ITGA2: variants seen among roughly 807,000 people sequenced by gnomAD.
ITGA2 encodes integrin alpha-2.
In ITGA2, 101 loss-of-function variants were observed where a neutral mutation model predicts 146.3. The ratio of observed to expected loss-of-function variants is 0.69; its 90% CI spans 0.59 to 0.81. The LOEUF (loss-of-function observed/expected upper bound fraction) is 0.81. Ranked by LOEUF, ITGA2 falls within the 40% of genes least tolerant of loss-of-function variation. The probability of loss-of-function intolerance (pLI) is 0.00; values close to 1 mark genes in which losing one functional copy is unlikely to be tolerated. For missense variants in ITGA2, 1,281 were observed against 1,402.7 expected, an observed-to-expected ratio of 0.91 and a Z score of 1.39; for synonymous variants, 477 against 487.1, an observed-to-expected ratio of 0.98 and a Z score of 0.27.
chr5:52,989,816 A>ACACC (rs1177461521), intron 1 of ITGA2, among the ~76,000 whole-genome samples: 1 of 140,622 alleles, frequency 7.1e-6, no homozygotes, highest in East Asian at 2.2e-4. Flanking sequence ...ACACACACGC[A>ACACC]CACACACACA....
At position 53,048,919 on chromosome 5, in the gene ITGA2, C is replaced by T. The variant is rs929383359; in HGVS notation, c.630+149C>T. The stretch of plus-strand genomic sequence containing the variant: ...TTAAAGTTAATTGAAACTTTTACTA[C>T]ATTGGGTTATTCTACCTATGGCTTT... On this transcript the variant is annotated intron_variant, in intron 6 of 29. Coordinates refer to ENST00000296585, the MANE Select transcript of ITGA2 (RefSeq NM_002203.4). The T allele has an allele frequency of 4.7e-5, 41 of 867,100 alleles. No individual in the cohort carries two copies. In the African/African-American group the frequency reaches 6.1e-4, roughly 13 times the overall value. 53.7% of individuals were successfully genotyped at this position (867,100 alleles called of 1,614,324 possible). A position where few individuals can be genotyped will look rare whatever the true frequency, so the allele number is the denominator to read the frequency against.
chr5:53,038,731 C>G (rs1442866087), intron 2 of ITGA2, among the ~76,000 whole-genome samples: 2 of 152,144 alleles, frequency 1.3e-5, no homozygotes, highest in African/African-American at 4.8e-5. Flanking sequence ...GGAACATGAG[C>G]AAGTCACTCA....
In ITGA2 at chr5:53,026,366, C is replaced by T. The variant is rs3212420; in HGVS notation, c.65-382C>T. Among the ~76,000 whole-genome samples the T allele has an allele frequency of 8.8e-3, 1,341 of 152,240 alleles. 23 individuals carry two copies. The highest frequency in any genetic ancestry group is 0.031 in the African/African-American group (1,279 of 41,556). On this transcript the variant is annotated intron_variant, in intron 1 of 29. Transcript: ENST00000296585. The stretch of plus-strand genomic sequence containing the variant: ...GGAAGGACAAATATAACTCAAATTA[C>T]TTAAGAATACTTAGAGATAATTTAG...
chr5:53,088,685 C>CAAAA (rs5867861), intron 28 of ITGA2, among the ~76,000 whole-genome samples: 6 of 105,876 alleles, frequency 5.7e-5, no homozygotes, highest in African/African-American at 1.2e-4. Flanking sequence ...GACTCTGTCT[C>CAAAA]AAAAAAAAAA....
chr5:53,042,359 C>A (rs1743844112), intron 3 of ITGA2, 138 bp downstream of exon 3: 1 of 658,992 alleles, frequency 1.5e-6, no homozygotes, highest in Non-Finnish European at 2.8e-6. Flanking sequence ...ATATGGGGCA[C>A]AATCATATCC....
chr5:53,057,384 G>A (rs3212528), intron 9 of ITGA2, among the ~76,000 whole-genome samples: 15,776 of 151,924 alleles, frequency 0.1, 956 homozygotes, highest in African/African-American at 0.16. Context: ...TTAGTGAAAC[G>A]TAGCCATTTT....
rs886060660 is a variant in ITGA2 at position 53,067,243 on chromosome 5, A to C, written c.2069A>C (p.Gln690Pro). 6.2e-7 allele frequency: 1 copy of C among 1,611,616 alleles called. No homozygotes were observed. Among genetic ancestry groups the C allele is most frequent in the Non-Finnish European group, 8.5e-7 (1 of 1,178,630 alleles). Residue 690 changes from glutamine (Q) to proline (P), a missense_variant, in exon 16 of 30, where the codon CAA (glutamine) becomes CCA (proline). By Grantham distance (76) the Gln-to-Pro change is moderately conservative. Transcript: ENST00000296585. ...CFSAKFRPTK[Q>P]NNQVAIVYNI... ...AGTGCAAAGTTCAGACCTACTAAGC[A>C]AAACAATCAAGTGGGTGCGTAGATC... is the stretch of plus-strand genomic sequence containing the variant.
rs568970840 is a variant in ITGA2 at position 53,038,090 on chromosome 5, G to A, written c.186-4022G>A. 3.1e-4 allele frequency among the ~76,000 whole-genome samples: 47 copies of A among 152,168 alleles called. No individual in the cohort carries two copies. In the South Asian group the frequency reaches 9.8e-3, roughly 32 times the overall value. ...ATCAAATCCTGAATTCTTAGAAAAG[G>A]TGGTAGGAGGTGACAGGGAGAGTGT... On this transcript the variant is annotated intron_variant, in intron 2 of 29. Transcript: ENST00000296585.
intron 2 of ITGA2, among the ~76,000 whole-genome samples, chr5:53,029,253 C>G (rs565651681): frequency 6.6e-6 from 1 of 152,268 alleles, no homozygotes; most frequent in Non-Finnish European, 1.5e-5. Context: ...GCTTGGGTGA[C>G]AGAGTGAGAC....
intron 1 of ITGA2, among the ~76,000 whole-genome samples, chr5:52,989,814 G>GCACACACACACACA (rs35389760): frequency 7.5e-4 from 109 of 145,972 alleles, no homozygotes; most frequent in Non-Finnish European, 1.2e-3. Flanking sequence ...GTACACACAC[G>GCACACACACACACA]CACACACACA....
chr5:53,016,550 A>T (rs878915012), intron 1 of ITGA2, among the ~76,000 whole-genome samples: 1 of 152,074 alleles, frequency 6.6e-6, no homozygotes, highest in Non-Finnish European at 1.5e-5. Context: ...GGAGAATCCG[A>T]TGACTATGTG....
At chr5:53,052,305 C>G (rs1579856544) in intron 7 of ITGA2, among the ~76,000 whole-genome samples, 2 of 152,032 alleles carry the variant, frequency 1.3e-5, no homozygotes, top group African/African-American at 4.8e-5. Context: ...GTTCAATGTG[C>G]TCTCATTGTT....
chr5:53,044,504 T>G (rs3212458), intron 3 of ITGA2, among the ~76,000 whole-genome samples: 41,628 of 151,364 alleles, frequency 0.28, 5,791 homozygotes, highest in Admixed American at 0.32. Context: ...AGACAGGAGG[T>G]GGAGAGATTT....
intron 2 of ITGA2, among the ~76,000 whole-genome samples, chr5:53,033,912 C>T (rs1365690733): frequency 6.6e-6 from 1 of 151,962 alleles, no homozygotes; most frequent in Non-Finnish European, 1.5e-5. Context: ...TACAAGCGCC[C>T]ACCACCATGC....
At chr5:53,052,633 C>G (rs968268413) in intron 7 of ITGA2, among the ~76,000 whole-genome samples, 2 of 151,976 alleles carry the variant, frequency 1.3e-5, no homozygotes, top group African/African-American at 2.4e-5. Context: ...CCCTCTTCAT[C>G]CCCCAACCCT....
Position 53,044,983 on chromosome 5 carries a change from T to A in ITGA2, c.296-18T>A, listed in dbSNP as rs1360589851. On this transcript the variant is annotated intron_variant, in intron 3 of 29. Coordinates refer to ENST00000296585, the MANE Select transcript of ITGA2 (RefSeq NM_002203.4). ...AGGAATTTTTAATCACTTTTAAAAATTGTTTTCCCTTTGAAAGCTTCAACA... is the reference window on the plus strand; with the variant it reads ...AGGAATTTTTAATCACTTTTAAAAAATGTTTTCCCTTTGAAAGCTTCAACA... 1 of 1,587,158 alleles carries A rather than the reference T, an allele frequency of 6.3e-7. No homozygotes were observed. Among genetic ancestry groups the A allele is most frequent in the Admixed American group, 1.7e-5 (1 of 59,984 alleles).
At chr5:53,076,586 C>CA (rs1449274921) in intron 23 of ITGA2, among the ~76,000 whole-genome samples, 6 of 152,014 alleles carry the variant, frequency 3.9e-5, no homozygotes, top group African/African-American at 1.4e-4. Context: ...GATGTTACCA[C>CA]ATTACCTGAA....
intron 1 of ITGA2, among the ~76,000 whole-genome samples, chr5:53,000,035 AT>A (rs1203349534): frequency 1.3e-5 from 2 of 152,186 alleles, no homozygotes; most frequent in Non-Finnish European, 2.9e-5. Context: ...TAAATATACC[AT>A]CTACACTCAA....
At chr5:53,075,666 C>T (rs182408242) in intron 23 of ITGA2, among the ~76,000 whole-genome samples, 28 of 152,100 alleles carry the variant, frequency 1.8e-4, no homozygotes, top group Non-Finnish European at 3.5e-4. Context: ...TCACTGCCTA[C>T]TTCCCATTGT....
Sources: gnomAD v4.1 joint callset for allele counts (sites outside exome capture counted in the v4.1 genomes callset) on GRCh38, gnomAD v4.1.1 for gene constraint, MANE v1.5 for transcripts, NCBI Gene and HGNC (gene_info 2026-07-23, HGNC 2026-07-21) for gene names.